The following PDE4C variants were observed in gnomAD, a reference collection of about 807,000 sequenced individuals.
PDE4C encodes phosphodiesterase 4C, also known as 3',5'-cyclic-AMP phosphodiesterase 4C.
In PDE4C, 50 loss-of-function variants were observed where a neutral mutation model predicts 63.9. The observed-to-expected ratio is 0.78, with a 90% CI of 0.62 to 0.99. The LOEUF (loss-of-function observed/expected upper bound fraction) is 0.99, where lower values mean the gene tolerates loss of function less well. Ranked by LOEUF, PDE4C falls within the 50% of genes least tolerant of loss-of-function variation. The pLI, the probability that PDE4C is intolerant of heterozygous loss-of-function variation, is 0.00. For synonymous variants in PDE4C, 377 were observed against 385.1 expected (o/e 0.98, Z 0.25); for missense variants, 777 against 899.1 (o/e 0.86, Z 1.74).
chr19:18,208,612 A>G (rs1001403411), downstream of PDE4C: 3 of 152,168 alleles, frequency 2.0e-5, no homozygotes, highest in African/African-American at 7.2e-5. Context: ...TTTCCTCATC[A>G]GTGAAATGGC....
At chr19:18,235,805 T>C (rs1968940582), upstream of PDE4C, among the ~76,000 whole-genome samples, 1 of 151,926 alleles carries the variant, frequency 6.6e-6, no homozygotes, top group Non-Finnish European at 1.5e-5. Flanking sequence ...TGATCTGTTT[T>C]CAGCTCCTGA....
chr19:18,251,908 G>A (rs1969234655), upstream of PDE4C, among the ~76,000 whole-genome samples: 1 of 151,826 alleles, frequency 6.6e-6, no homozygotes, highest in South Asian at 2.1e-4. Flanking sequence ...CTTAATAAAT[G>A]CGCATAGCAT....
upstream of PDE4C, among the ~76,000 whole-genome samples, chr19:18,227,337 TCCCCACGTGATC>T (rs1968760654): frequency 6.6e-6 from 1 of 151,634 alleles, no homozygotes; most frequent in Non-Finnish European, 1.5e-5. Flanking sequence ...TCCACGCAAC[TCCCCACGTGATC>T]CCCCACCTGC....
At chr19:18,254,640 C>T in the PDE4C span, among the ~76,000 whole-genome samples, 1 of 152,168 alleles carries the variant, frequency 6.6e-6, no homozygotes, top group Admixed American at 6.6e-5. Flanking sequence ...CCATGGTGGC[C>T]TCTGCTCTGC....
Position 18,222,305 on chromosome 19 carries a change from C to G in PDE4C, c.165G>C (p.Gly55=), listed in dbSNP as rs762012595. 3.7e-6 allele frequency: 6 copies of G among 1,610,440 alleles called. No homozygotes were observed. The Admixed American group carries it at 1.0e-4, about 27-fold the overall frequency. ...CCAGGGCCCTCCTCCCACACGAGAG[C>G]CCATTTTCCAGGTCAAAGCTGAAAG... The change falls in exon 2 of 15, where the codon GGG becomes GGC. Residue 55 remains glycine (G), a synonymous_variant. Transcript: ENST00000262805.
chr19:18,248,150 C>T (rs1419503095), intron 1 of PDE4C: 3 of 456,218 alleles, frequency 6.6e-6, no homozygotes, highest in South Asian at 1.5e-5. Flanking sequence ...TCCAGGAGGC[C>T]CAGGCATGTC....
upstream of PDE4C, among the ~76,000 whole-genome samples, chr19:18,236,186 A>G (rs1301162255): frequency 1.3e-5 from 2 of 151,700 alleles, no homozygotes; most frequent in Non-Finnish European, 2.9e-5. Context: ...CTCGTGATCC[A>G]CCCACCTTGG....
At chr19:18,230,947 C>G (rs772189916), upstream of PDE4C, among the ~76,000 whole-genome samples, 74 of 152,334 alleles carry the variant, frequency 4.9e-4, no homozygotes, top group Admixed American at 1.6e-3. Context: ...CTCCCATACC[C>G]CTGTGATCCA....
chr19:18,212,328 C>A (rs1263682338), intron 13 of PDE4C, among the ~76,000 whole-genome samples: 1 of 151,902 alleles, frequency 6.6e-6, no homozygotes, highest in Non-Finnish European at 1.5e-5. Flanking sequence ...GAACTATAGG[C>A]ATGCGCCACC....
exon 4 of PDE4C, chr19:18,221,143 C>T (rs936876253): frequency 3.8e-6 from 6 of 1,576,630 alleles, no homozygotes; most frequent in Non-Finnish European, 5.2e-6. Flanking sequence ...CAAGGGCCGC[C>T]ACGTTGCTCC....
intron 11 of PDE4C, 23 bp from the exon 12 acceptor site, chr19:18,216,918 G>C (rs776254865): frequency 1.7e-5 from 27 of 1,574,544 alleles, no homozygotes; most frequent in Non-Finnish European, 2.2e-5. Flanking sequence ...GGGACTGAGA[G>C]CCCCAAGATC....
upstream of PDE4C, among the ~76,000 whole-genome samples, chr19:18,237,448 G>A (rs181892312): frequency 7.9e-5 from 12 of 152,320 alleles, no homozygotes; most frequent in East Asian, 2.1e-3. Flanking sequence ...CTACTCGGGA[G>A]GCTGAAGCAG....
intron 1 of PDE4C, among the ~76,000 whole-genome samples, chr19:18,232,376 TGTG>T (rs1568264508): frequency 0.01 from 1,564 of 149,434 alleles, 24 homozygotes; most frequent in African/African-American, 0.02. Context: ...AATAAAAACG[TGTG>T]TGTGTGTGTG....
upstream of PDE4C, among the ~76,000 whole-genome samples, chr19:18,251,809 A>G (rs1969233706): frequency 6.6e-6 from 1 of 151,498 alleles, no homozygotes; most frequent in Non-Finnish European, 1.5e-5. Flanking sequence ...GCCCAAATAC[A>G]TAATGTATAA....
intron 4 of PDE4C, 53 bp downstream of exon 4, chr19:18,221,052 G>GCCAGGGGCCCCCCCCCCCCCCCCCC: frequency 8.0e-7 from 1 of 1,245,310 alleles, no homozygotes; most frequent in Non-Finnish European, 1.1e-6. Flanking sequence ...CCCGCTTTCC[G>GCCAGGGGCCCCCCCCCCCCCCCCCC]CCCACCTTGT....
chr19:18,242,273 C>T (rs953729576), intron 1 of PDE4C, among the ~76,000 whole-genome samples: 1 of 151,398 alleles, frequency 6.6e-6, no homozygotes, highest in Admixed American at 6.6e-5. Context: ...GTCAGTAATT[C>T]AAGACCAGCC....
intron 1 of PDE4C, among the ~76,000 whole-genome samples, chr19:18,239,163 A>G (rs1300589611): frequency 6.6e-6 from 1 of 152,188 alleles, no homozygotes; most frequent in East Asian, 1.9e-4. Context: ...CATTATTTCC[A>G]TTTAACAAAG....
At chr19:18,238,163 T>C (rs1231891285), upstream of PDE4C, among the ~76,000 whole-genome samples, 2 of 151,544 alleles carry the variant, frequency 1.3e-5, no homozygotes, top group African/African-American at 2.4e-5. Flanking sequence ...AGGTCAAGGC[T>C]GTAGTGAGCC....
At chr19:18,244,621 TTC>T in intron 1 of PDE4C, among the ~76,000 whole-genome samples, 1 of 152,060 alleles carries the variant, frequency 6.6e-6, no homozygotes, top group Non-Finnish European at 1.5e-5. Context: ...CAAGCGATCC[TTC>T]TGCCTCAGCC....
Sources: allele counts gnomAD v4.1 joint callset (sites outside exome capture counted in the v4.1 genomes callset), GRCh38; gene constraint gnomAD v4.1.1; transcripts MANE v1.5; gene names NCBI Gene and HGNC (gene_info 2026-07-23, HGNC 2026-07-21).